TRIM44: variants seen among roughly 807,000 people sequenced by gnomAD.
TRIM44 encodes tripartite motif-containing protein 44.
Under a neutral mutation model 37.4 loss-of-function variants are expected in TRIM44, and 13 were observed. The ratio of observed to expected loss-of-function variants is 0.35; its 90% CI spans 0.23 to 0.55. TRIM44 has a LOEUF of 0.55. TRIM44 is among the 20% of genes least tolerant of loss of function. The pLI is 0.89. For synonymous variants in TRIM44, 175 were observed against 157.2 expected (o/e 1.11, Z -0.85); for missense variants, 426 against 437.2 (o/e 0.97, Z 0.23).
chr11:35,734,235 G>A (rs1852302076), intron 3 of TRIM44, among the ~76,000 whole-genome samples: 2 of 152,132 alleles, frequency 1.3e-5, no homozygotes, highest in Non-Finnish European at 2.9e-5. Flanking sequence ...AATTGTTACT[G>A]ATACTGATAT....
At chr11:35,773,618 C>A (rs1276535969) in intron 4 of TRIM44, among the ~76,000 whole-genome samples, 1 of 152,118 alleles carries the variant, frequency 6.6e-6, no homozygotes, top group African/African-American at 2.4e-5. Context: ...CTATCCCTCC[C>A]CTCTCCCCCT....
intron 2 of TRIM44, among the ~76,000 whole-genome samples, chr11:35,699,460 AT>A (rs1271877529): frequency 6.6e-6 from 1 of 152,158 alleles, no homozygotes; most frequent in Non-Finnish European, 1.5e-5. Context: ...TCTCAAAATA[AT>A]AAGAGCCATC....
At chr11:35,680,643 ATGCATCCTTGACACAGG>A (rs1851511901) in intron 1 of TRIM44, among the ~76,000 whole-genome samples, 1 of 152,150 alleles carries the variant, frequency 6.6e-6, no homozygotes, top group South Asian at 2.1e-4. Context: ...ACTTTTGTAC[ATGCATCCTTGACACAGG>A]TGCTAGTCTT....
At chr11:35,793,587 G>A (rs1853245193) in intron 4 of TRIM44, among the ~76,000 whole-genome samples, 1 of 152,124 alleles carries the variant, frequency 6.6e-6, no homozygotes, top group South Asian at 2.1e-4. Flanking sequence ...AAGTTTTCGA[G>A]TAATTGGTGC....
intron 2 of TRIM44, among the ~76,000 whole-genome samples, chr11:35,701,137 TCCC>T (rs1458944468): frequency 6.6e-6 from 1 of 151,906 alleles, no homozygotes; most frequent in African/African-American, 2.4e-5. Flanking sequence ...GCAAAACAAG[TCCC>T]CCAAAATTAA....
At chr11:35,757,670 A>G (rs944901754) in intron 4 of TRIM44, among the ~76,000 whole-genome samples, 23 of 152,284 alleles carry the variant, frequency 1.5e-4, no homozygotes, top group African/African-American at 5.1e-4. Context: ...ACTGCTTTGA[A>G]TGTGTCCCAG....
At position 35,812,174 on chromosome 11, in the gene TRIM44, C is replaced by T. The variant is rs1853535048; in HGVS notation, c.*5789C>T. 6.6e-6 allele frequency: 1 copy of T among 152,094 alleles called. No homozygotes were observed. Among genetic ancestry groups the T allele is most frequent in the African/African-American group, 2.4e-5 (1 of 41,418 alleles). 9.4% of individuals were successfully genotyped at this position (152,094 alleles called of 1,614,324 possible). On this transcript the variant is annotated 3_prime_UTR_variant, in exon 5 of 5. Transcript: ENST00000299413. ...TACAACTCTATATTTTATTTTATTA[C>T]TCTTTGTTTGGTCCAACATGGCCCC...
At chr11:35,706,406 A>C (rs1194379850) in intron 2 of TRIM44, among the ~76,000 whole-genome samples, 1 of 152,236 alleles carries the variant, frequency 6.6e-6, no homozygotes, top group Non-Finnish European at 1.5e-5. Context: ...TCCCTAACTC[A>C]TTTTATGAGG....
At chr11:35,743,211 T>A (rs1852436703) in intron 4 of TRIM44, among the ~76,000 whole-genome samples, 1 of 152,168 alleles carries the variant, frequency 6.6e-6, no homozygotes, top group African/African-American at 2.4e-5. Context: ...AATAACTGCA[T>A]GACTGGCCTG....
chr11:35,760,158 G>A (rs1433760611), intron 4 of TRIM44, among the ~76,000 whole-genome samples: 1 of 152,196 alleles, frequency 6.6e-6, no homozygotes, highest in African/African-American at 2.4e-5. Flanking sequence ...AAGCTTCCTG[G>A]CCGCTTTGTT....
intron 2 of TRIM44, among the ~76,000 whole-genome samples, chr11:35,702,923 C>T (rs941179207): frequency 2.6e-5 from 4 of 152,162 alleles, no homozygotes; most frequent in African/African-American, 9.7e-5. Flanking sequence ...GTGGGTGCAG[C>T]GCACCATGCA....
intron 1 of TRIM44, among the ~76,000 whole-genome samples, chr11:35,674,235 C>CGTATGTGTGTGTGTGTGTGTGT (rs1554924872): frequency 2.3e-4 from 34 of 149,992 alleles, no homozygotes; most frequent in African/African-American, 7.1e-4. Context: ...AGAGAATTTG[C>CGTATGTGTGTGTGTGTGTGTGT]GTGTGTGTGT....
At chr11:35,730,362 G>A (rs1400891976) in intron 3 of TRIM44, among the ~76,000 whole-genome samples, 1 of 152,148 alleles carries the variant, frequency 6.6e-6, no homozygotes, top group African/African-American at 2.4e-5. Context: ...GGACAATAAT[G>A]AAAGATACAT....
chr11:35,750,225 A>T (rs1852543081), intron 4 of TRIM44, among the ~76,000 whole-genome samples: 1 of 152,176 alleles, frequency 6.6e-6, no homozygotes, highest in African/African-American at 2.4e-5. Flanking sequence ...CCAGAACCAA[A>T]TGCAGTCCTT....
At chr11:35,791,677 A>T (rs984855037) in intron 4 of TRIM44, among the ~76,000 whole-genome samples, 1 of 152,144 alleles carries the variant, frequency 6.6e-6, no homozygotes, top group Admixed American at 6.5e-5. Context: ...TCCACCTGGC[A>T]TACCCCCCGC....
chr11:35,766,255 AT>A (rs1852797519), intron 4 of TRIM44, among the ~76,000 whole-genome samples: 1 of 152,284 alleles, frequency 6.6e-6, no homozygotes, highest in South Asian at 2.1e-4. Context: ...CAGCCAATTC[AT>A]CTGTCCGTTA....
At chr11:35,773,796 A>T (rs11525382) in intron 4 of TRIM44, among the ~76,000 whole-genome samples, 6,297 of 152,266 alleles carry the variant, frequency 0.041, 321 homozygotes, top group East Asian at 0.14. Flanking sequence ...ACAAAGGACA[A>T]GAACTCATCC....
chr11:35,710,313 A>G (rs1356945794), intron 2 of TRIM44, among the ~76,000 whole-genome samples: 2 of 152,158 alleles, frequency 1.3e-5, no homozygotes, highest in Non-Finnish European at 1.5e-5. Context: ...AATGGATACA[A>G]TTTTATCATT....
At chr11:35,686,956 T>C (rs1029892075) in intron 2 of TRIM44, among the ~76,000 whole-genome samples, 1 of 152,210 alleles carries the variant, frequency 6.6e-6, no homozygotes, top group African/African-American at 2.4e-5. Context: ...TTCTCATTCC[T>C]GCTCTCCCCT....
Sources: allele counts gnomAD v4.1 joint callset (sites outside exome capture counted in the v4.1 genomes callset), GRCh38; gene constraint gnomAD v4.1.1; transcripts MANE v1.5; gene names NCBI Gene and HGNC (gene_info 2026-07-23, HGNC 2026-07-21).